AUTS2: variants seen among roughly 807,000 people sequenced by gnomAD.
The protein encoded by AUTS2 is activator of transcription and developmental regulator AUTS2.
In AUTS2, 17 loss-of-function variants were observed where a neutral mutation model predicts 112.4. That is an observed-to-expected ratio of 0.15 (90% CI 0.10 to 0.23). The LOEUF is 0.23. Among genes scored for constraint, AUTS2 ranks in the 10% least tolerant of loss-of-function variants. The probability of loss-of-function intolerance (pLI) is 1.00; values close to 1 mark genes in which losing one functional copy is unlikely to be tolerated. For missense variants in AUTS2, 1,510 were observed against 1,701.6 expected, an observed-to-expected ratio of 0.89 and a Z score of 1.98; for synonymous variants, 751 against 702.7, an observed-to-expected ratio of 1.07 and a Z score of -1.09.
intron 4 of AUTS2, among the ~76,000 whole-genome samples, chr7:70,159,714 A>G (rs1181151676): frequency 6.6e-6 from 1 of 152,216 alleles, no homozygotes; most frequent in Admixed American, 6.5e-5. Context: ...AGACTGTGTT[A>G]CTTATCAGAA....
chr7:69,725,788 G>A (rs1786480576), intron 1 of AUTS2, among the ~76,000 whole-genome samples: 1 of 152,164 alleles, frequency 6.6e-6, no homozygotes, highest in African/African-American at 2.4e-5. Flanking sequence ...TGAAATAGAT[G>A]TGTACTGTGA....
In AUTS2 at chr7:69,837,425, C is replaced by G. The variant is rs555853764; in HGVS notation, c.310-61861C>G. Among the ~76,000 whole-genome samples the G allele has an allele frequency of 2.0e-5, 3 of 152,200 alleles. No individual in the cohort carries two copies. In the East Asian group the frequency reaches 5.8e-4, roughly 29 times the overall value. ...CAGCTTTGAATCTAGACGTCTCTCT[C>G]CTGGTTACCTTTTGTTCTCTTTATG... On this transcript the variant is annotated intron_variant, in intron 1 of 18. Transcript: ENST00000342771.
At chr7:70,088,182 G>A (rs910638235) in intron 2 of AUTS2, among the ~76,000 whole-genome samples, 13 of 151,968 alleles carry the variant, frequency 8.6e-5, no homozygotes, top group African/African-American at 3.1e-4. Flanking sequence ...GGAGTGCAGT[G>A]GCGTGATCTC....
At chr7:70,476,660 A>G (rs1219061396) in intron 5 of AUTS2, among the ~76,000 whole-genome samples, 2 of 152,234 alleles carry the variant, frequency 1.3e-5, no homozygotes, top group African/African-American at 4.8e-5. Context: ...TCATCTCTTT[A>G]GTAACAAACA....
intron 5 of AUTS2, among the ~76,000 whole-genome samples, chr7:70,666,737 A>C (rs1807369893): frequency 6.6e-6 from 1 of 152,024 alleles, no homozygotes; most frequent in Non-Finnish European, 1.5e-5. Flanking sequence ...AGTTTGGTGT[A>C]TGCCGGGAGG....
At chr7:70,535,566 C>G (rs1800283327) in intron 5 of AUTS2, among the ~76,000 whole-genome samples, 1 of 152,176 alleles carries the variant, frequency 6.6e-6, no homozygotes, top group Non-Finnish European at 1.5e-5. Flanking sequence ...AGGCACCCGC[C>G]ACCCCACCCA....
At chr7:69,808,023 G>T (rs1790385784) in intron 1 of AUTS2, among the ~76,000 whole-genome samples, 1 of 146,624 alleles carries the variant, frequency 6.8e-6, no homozygotes, top group African/African-American at 2.5e-5. Flanking sequence ...CCAGGTTCAA[G>T]CAGTTCTCCT....
chr7:70,781,092 G>A (rs892509016), intron 14 of AUTS2, among the ~76,000 whole-genome samples: 2 of 152,098 alleles, frequency 1.3e-5, no homozygotes, highest in African/African-American at 2.4e-5. Context: ...TGGGTGCGGT[G>A]GCTCACACCT....
chr7:70,219,449 A>G (rs1584892314), intron 4 of AUTS2, among the ~76,000 whole-genome samples: 1 of 152,240 alleles, frequency 6.6e-6, no homozygotes, highest in African/African-American at 2.4e-5. Flanking sequence ...ATTATTTCAG[A>G]ATTTTGAGTG....
chr7:69,615,380 G>A (rs970160782), intron 1 of AUTS2, among the ~76,000 whole-genome samples: 4 of 152,222 alleles, frequency 2.6e-5, no homozygotes, highest in African/African-American at 7.2e-5. Flanking sequence ...TTGGCCTACT[G>A]CAACCTCTGC....
chr7:70,463,748 G>A (rs1000609627), intron 5 of AUTS2, among the ~76,000 whole-genome samples: 2 of 152,198 alleles, frequency 1.3e-5, no homozygotes, highest in Non-Finnish European at 2.9e-5. Flanking sequence ...TGTGTTTGCT[G>A]AGTAATTAAT....
intron 2 of AUTS2, among the ~76,000 whole-genome samples, chr7:69,915,786 G>A (rs1369706263): frequency 6.6e-6 from 1 of 152,148 alleles, no homozygotes; most frequent in Non-Finnish European, 1.5e-5. Context: ...GTGTGCAGTG[G>A]TGTGATCTTG....
intron 2 of AUTS2, among the ~76,000 whole-genome samples, chr7:69,990,508 G>C (rs1798702758): frequency 2.0e-5 from 3 of 152,142 alleles, no homozygotes; most frequent in African/African-American, 7.2e-5. Context: ...TGACTACTAA[G>C]AGGTGTGCGT....
At chr7:70,166,584 G>A (rs997013847) in intron 4 of AUTS2, among the ~76,000 whole-genome samples, 1 of 152,054 alleles carries the variant, frequency 6.6e-6, no homozygotes, top group African/African-American at 2.4e-5. Flanking sequence ...AACGTATATT[G>A]TGAATTTTAG....
intron 5 of AUTS2, among the ~76,000 whole-genome samples, chr7:70,550,416 T>TG (rs932917600): frequency 6.6e-6 from 1 of 152,124 alleles, no homozygotes; most frequent in African/African-American, 2.4e-5. Context: ...CTTTGAAGGA[T>TG]GGGGGGATTG....
chr7:70,553,690 C>G (rs548916838), intron 5 of AUTS2, among the ~76,000 whole-genome samples: 1 of 146,050 alleles, frequency 6.8e-6, no homozygotes. Flanking sequence ...TAAATATTTG[C>G]AAGGTGATTT....
intron 5 of AUTS2, among the ~76,000 whole-genome samples, chr7:70,501,114 C>G (rs898896396): frequency 2.0e-5 from 3 of 152,176 alleles, no homozygotes; most frequent in Non-Finnish European, 4.4e-5. Context: ...ATTTTTATCT[C>G]ACCTATTCAG....
chr7:70,307,929 T>C (rs1435620961), intron 4 of AUTS2, among the ~76,000 whole-genome samples: 1 of 152,208 alleles, frequency 6.6e-6, no homozygotes, highest in Non-Finnish European at 1.5e-5. Flanking sequence ...AGTCACAGAA[T>C]GTACCCCTCG....
At chr7:69,628,796 T>C (rs1260873311) in intron 1 of AUTS2, among the ~76,000 whole-genome samples, 1 of 152,082 alleles carries the variant, frequency 6.6e-6, no homozygotes, top group East Asian at 1.9e-4. Flanking sequence ...CAGGCCCCAC[T>C]TCCAACATTA....
Sources: gnomAD v4.1 joint callset for allele counts (sites outside exome capture counted in the v4.1 genomes callset) on GRCh38, gnomAD v4.1.1 for gene constraint, MANE v1.5 for transcripts, NCBI Gene and HGNC (gene_info 2026-07-23, HGNC 2026-07-21) for gene names.